Variants in MCM7 observed in about 807,000 individuals in gnomAD.
MCM7 encodes the protein minichromosome maintenance complex component 7.
MCM7 carries 95 observed loss-of-function variants against 83.5 expected under a neutral mutation model. That is an observed-to-expected ratio of 1.14 (90% CI 0.96 to 1.35). The LOEUF (loss-of-function observed/expected upper bound fraction) is 1.35. Ranked by LOEUF, MCM7 falls within the 40% of genes most tolerant of loss-of-function variation. MCM7 has a pLI of 0.00. For synonymous variants in MCM7, 461 were observed against 352.7 expected, an observed-to-expected ratio of 1.31 and a Z score of -3.44; for missense variants, 1,087 against 957.4, an observed-to-expected ratio of 1.14 and a Z score of -1.79.
Position 100,101,349 on chromosome 7 carries a change from G to T in MCM7, c.-55C>A. ...GCGGGCTCAGAGGTCTTGCTCCTGGGGAAGCTGAGAATCTCCGCGCGGTGG... is the reference window on the plus strand; with the variant it reads ...GCGGGCTCAGAGGTCTTGCTCCTGGTGAAGCTGAGAATCTCCGCGCGGTGG... On this transcript the variant is annotated 5_prime_UTR_variant, in exon 1 of 15. Transcript: ENST00000303887. 6.2e-7 allele frequency: 1 copy of T among 1,610,062 alleles called. No homozygotes were observed. The highest frequency in any genetic ancestry group is 1.1e-5 in the South Asian group (1 of 91,012).
chr7:100,100,552 G>T, intron 1 of MCM7: 1 of 992,386 alleles, frequency 1.0e-6, no homozygotes, highest in Non-Finnish European at 1.2e-6. Context: ...ACATGGGCCC[G>T]GATTCCAGCC....
intron 1 of MCM7, 184 bp downstream of exon 1, chr7:100,101,080 G>T: frequency 1.3e-6 from 1 of 749,490 alleles, no homozygotes; most frequent in African/African-American, 1.8e-5. Context: ...CTTCAACATC[G>T]ATGGCCCCCC....
At chr7:100,096,246 G>A (rs907679507) in intron 10 of MCM7, 79 bp from the exon 11 acceptor site, 1 of 1,421,040 alleles carries the variant, frequency 7.0e-7, no homozygotes, top group Non-Finnish European at 9.4e-7. Flanking sequence ...ACGGGCCAGG[G>A]AGGCGAGGCC....
intron 7 of MCM7, 25 bp downstream of exon 7, chr7:100,098,116 T>C (rs1244462160): frequency 6.2e-7 from 1 of 1,612,546 alleles, no homozygotes; most frequent in African/African-American, 1.3e-5. Flanking sequence ...GGATGATCCA[T>C]TCCTCATGTC....
chr7:100,093,664 C>T, intron 13 of MCM7: 1 of 726,452 alleles, frequency 1.4e-6, no homozygotes, highest in Non-Finnish European at 2.6e-6. Flanking sequence ...TTCAGCTGTC[C>T]TGTGAGGGAG....
Position 100,094,266 on chromosome 7 carries a change from G to A in MCM7, c.1755C>T (p.Tyr585=), listed in dbSNP as rs762734756. Residue 585 remains tyrosine, a synonymous_variant, in exon 13 of 15, where the codon TAC becomes TAT. Transcript: ENST00000303887. The part of the protein sequence containing the change: ...ESLADYITAA[Y]VEMRREAWAS... ...CCCAAGCCTCTCGCCTCATCTCCACGTATGCTGCTGTGATGTAGTCAGCCA... is the reference window on the plus strand; with the variant it reads ...CCCAAGCCTCTCGCCTCATCTCCACATATGCTGCTGTGATGTAGTCAGCCA... 6.9e-5 allele frequency: 111 copies of A among 1,614,076 alleles called. No homozygotes were observed. The highest frequency in any genetic ancestry group is 2.2e-4 in the South Asian group (20 of 91,082).
intron 1 of MCM7, chr7:100,100,601 C>T (rs183193519): frequency 2.0e-6 from 2 of 989,964 alleles, no homozygotes; most frequent in East Asian, 2.3e-4. Flanking sequence ...GGGCGGGAGC[C>T]AGTCCAGCCA....
rs776836541 is a variant in MCM7, at chr7:100,099,537, C to T, written c.276+52G>A. The T allele has an allele frequency of 4.4e-6, 7 of 1,603,108 alleles. No homozygotes were observed. In the East Asian group the frequency reaches 8.9e-5, roughly 20 times the overall value. ...CATCAGTATCTGAGCAGCCTCTCTA[C>T]AGAAGCTTAAACGCCTCGCCCTTTG... On this transcript the variant is annotated intron_variant, in intron 3 of 14. Transcript: ENST00000303887.
At chr7:100,100,603 G>C (rs1369516108) in intron 1 of MCM7, 2 of 990,206 alleles carry the variant, frequency 2.0e-6, no homozygotes, top group Non-Finnish European at 2.4e-6. Context: ...GCGGGAGCCA[G>C]TCCAGCCATT....
At position 100,099,414 on chromosome 7, in the gene MCM7, AGAAC is replaced by A; in HGVS notation, c.277-15_277-12del. ...ATCTTTATTTACCACCTAAAGGAGA[AGAAC>A]AAAAAAAAAAAAAAAAAAGAGCAAC... On this transcript the variant is annotated splice_polypyrimidine_tract_variant and intron_variant, in intron 3 of 14. Coordinates refer to ENST00000303887, the MANE Select transcript of MCM7 (RefSeq NM_005916.5). 10 of 1,555,896 alleles carry A rather than the reference AGAAC, an allele frequency of 6.4e-6. No homozygotes were observed. Among genetic ancestry groups the A allele is most frequent in the Middle Eastern group, 1.8e-4 (1 of 5,478 alleles).
At chr7:100,101,165 C>T in intron 1 of MCM7, 99 bp downstream of exon 1, 1 of 1,503,014 alleles carries the variant, frequency 6.7e-7, no homozygotes, top group Non-Finnish European at 9.2e-7. Context: ...CACCCCAGAA[C>T]CCGCCGACCC....
At chr7:100,101,147 G>A (rs1795999747) in intron 1 of MCM7, 117 bp downstream of exon 1, 16 of 1,302,906 alleles carry the variant, frequency 1.2e-5, no homozygotes, top group Middle Eastern at 1.9e-4. Flanking sequence ...CCTGCCTCTG[G>A]CCTCGCGCAC....
At chr7:100,096,236 A>C in intron 10 of MCM7, 69 bp from the exon 11 acceptor site, 24 of 1,450,102 alleles carry the variant, frequency 1.7e-5, no homozygotes, top group Non-Finnish European at 2.1e-5. Context: ...AAGACAACAA[A>C]CGGGCCAGGG....
In MCM7 at chr7:100,099,375, T is replaced by G. The variant is rs1297239755; in HGVS notation, c.305A>C (p.Tyr102Ser). 1.3e-6 allele frequency: 2 copies of G among 1,590,436 alleles called. No homozygotes were observed. The highest frequency in any genetic ancestry group is 1.7e-6 in the Non-Finnish European group (2 of 1,173,596). The part of the protein sequence containing the change: ...EVVNKDVLDV[Y>S]IEHRLMMEQR... ...CTCCATCATTAGCCGATGCTCAATG[T>G]AAACGTCCAGGACATCTTTATTTAC... The change falls in exon 4 of 15, where the codon TAC (tyrosine) becomes TCC (serine). Residue 102 changes from tyrosine to serine, a missense_variant. Coordinates refer to ENST00000303887, the MANE Select transcript of MCM7 (RefSeq NM_005916.5).
At position 100,095,788 on chromosome 7, in the gene MCM7, T is replaced by TA. The variant is rs768776137; in HGVS notation, c.1580_1581insT (p.Asp528ArgfsTer3). ...GCTTCATTCACCGTAGGTCATTGTC[T>TA]CGGTCGGGCCGGTCCTGAATCAGCC... is the stretch of plus-strand genomic sequence containing the variant. On this transcript the variant is annotated frameshift_variant, in exon 11 of 15. Coordinates refer to ENST00000303887, the MANE Select transcript of MCM7 (RefSeq NM_005916.5). LOFTEE classifies it high-confidence loss of function. 1.3e-6 allele frequency: 2 copies of TA among 1,582,420 alleles called. No individual in the cohort carries two copies. Among genetic ancestry groups the TA allele is most frequent in the Admixed American group, 3.4e-5 (2 of 58,504 alleles).
At chr7:100,094,076 C>G in intron 13 of MCM7, 97 bp downstream of exon 13, 1 of 1,484,548 alleles carries the variant, frequency 6.7e-7, no homozygotes, top group Non-Finnish European at 9.4e-7. Context: ...CCCGGCAGGG[C>G]TGGAGCGGGA....
chr7:100,101,119 G>C, intron 1 of MCM7, 145 bp downstream of exon 1: 6 of 1,025,020 alleles, frequency 5.9e-6, no homozygotes, highest in South Asian at 2.8e-5. Context: ...GTGGGCCTTA[G>C]CCAGGCCGCA....
rs1041917135 is a variant in MCM7 at position 100,098,249 on chromosome 7, C to A, written c.762G>T (p.Thr254=). 1 of 1,614,000 alleles carries A rather than the reference C, an allele frequency of 6.2e-7. No homozygotes were observed. The highest frequency in any genetic ancestry group is 1.1e-5 in the South Asian group (1 of 91,082). Residue 254 remains threonine, a synonymous_variant, in exon 7 of 15, where the codon ACG becomes ACT. Transcript: ENST00000303887. ...VPVGNIPRSI[T]VLVEGENTRI... is the part of the protein sequence containing the mutation. Reference sequence around the variant, plus strand: ...TTGTGTTCTCTCCTTCTACCAGCACCGTGATACTACGAGGGATATTTCCCA... The same window carrying A: ...TTGTGTTCTCTCCTTCTACCAGCACAGTGATACTACGAGGGATATTTCCCA...
rs1220462027 is a variant in MCM7 at position 100,094,281 on chromosome 7, G to A, written c.1740C>T (p.Tyr580=). The part of the protein sequence containing the change: ...QPMVPESLAD[Y]ITAAYVEMRR... Reference sequence around the variant, plus strand: ...TCATCTCCACGTATGCTGCTGTGATGTAGTCAGCCAGAGACTCTGGCACCA... The same window carrying A: ...TCATCTCCACGTATGCTGCTGTGATATAGTCAGCCAGAGACTCTGGCACCA... The change falls in exon 13 of 15, where the codon TAC becomes TAT. Residue 580 remains tyrosine, a synonymous_variant. Coordinates refer to ENST00000303887, the MANE Select transcript of MCM7 (RefSeq NM_005916.5). 6.2e-7 allele frequency: 1 copy of A among 1,614,206 alleles called. No homozygotes were observed. Among genetic ancestry groups the A allele is most frequent in the Non-Finnish European group, 8.5e-7 (1 of 1,180,034 alleles).
Sources: gnomAD v4.1 joint callset for allele counts on GRCh38, gnomAD v4.1.1 for gene constraint, MANE v1.5 for transcripts, NCBI Gene and HGNC (gene_info 2026-07-23, HGNC 2026-07-21) for gene names.